RIPOR3: variants seen among roughly 807,000 people sequenced by gnomAD.
RIPOR3 encodes the protein family with sequence similarity 65 member C.
In RIPOR3, 95 loss-of-function variants were observed where a neutral mutation model predicts 114.3. The observed-to-expected ratio is 0.83, with a 90% CI of 0.70 to 0.99. The LOEUF is 0.99. RIPOR3 is among the 50% of genes least tolerant of loss of function. RIPOR3 has a pLI of 0.00. For missense variants in RIPOR3, 1,252 were observed against 1,266.9 expected, an observed-to-expected ratio of 0.99 and a Z score of 0.18; for synonymous variants, 575 against 543.8, an observed-to-expected ratio of 1.06 and a Z score of -0.80.
intron 16 of RIPOR3, chr20:50,594,931 G>A (rs2083237555): frequency 1.8e-6 from 1 of 550,848 alleles, no homozygotes; most frequent in South Asian, 2.5e-5. Context: ...CAACAACCTG[G>A]GAGGGGCTGC....
chr20:50,638,777 G>A (rs182007017), intron 1 of RIPOR3, among the ~76,000 whole-genome samples: 289 of 152,246 alleles, frequency 1.9e-3, no homozygotes, highest in Middle Eastern at 6.8e-3. Flanking sequence ...CATCTCAAAC[G>A]TGCCTCACCC....
At chr20:50,596,354 G>A (rs978231501) in intron 14 of RIPOR3, 91 bp from the exon 15 acceptor site, 2 of 1,564,576 alleles carry the variant, frequency 1.3e-6, no homozygotes, top group African/African-American at 2.7e-5. Flanking sequence ...GCGAGCCCCA[G>A]GTCAGGAGGC....
chr20:50,689,893 G>A (rs1342826837), intron 1 of RIPOR3, among the ~76,000 whole-genome samples: 1 of 152,174 alleles, frequency 6.6e-6, no homozygotes, highest in Non-Finnish European at 1.5e-5. Context: ...GAAGAAAAAA[G>A]AAAAGGCCAC....
intron 1 of RIPOR3, among the ~76,000 whole-genome samples, chr20:50,668,804 C>A (rs2086349944): frequency 1.3e-5 from 2 of 151,990 alleles, no homozygotes; most frequent in African/African-American, 4.8e-5. Context: ...TTGCAGTGAG[C>A]CAAGATCAAG....
At position 50,602,133 on chromosome 20, in the gene RIPOR3, G is replaced by A. The variant is rs2083518132; in HGVS notation, c.1598C>T (p.Ser533Phe). ...EVLELLRPTD[S>F]TQPQLRELEY... ...CAGCTCCCGGAGCTGGGGCTGGGTG[G>A]AGTCCGTGGGCCTCAGCAACTCCAG... is the stretch of plus-strand genomic sequence containing the variant. Residue 533 changes from serine to phenylalanine, a missense_variant, in exon 13 of 22, where the codon TCC (serine) becomes TTC (phenylalanine). Transcript: ENST00000327979. This position sits in a 1 kb window ranked among gnomAD's most constrained non-coding sequence, Gnocchi z 4.3. The A allele has an allele frequency of 1.2e-6, 2 of 1,609,678 alleles. No individual in the cohort carries two copies. Among genetic ancestry groups the A allele is most frequent in the Non-Finnish European group, 1.7e-6 (2 of 1,178,126 alleles).
chr20:50,591,561 T>C (rs2083108749), intron 19 of RIPOR3, among the ~76,000 whole-genome samples: 1 of 152,334 alleles, frequency 6.6e-6, no homozygotes, highest in South Asian at 2.1e-4. Context: ...AGAAGGGCTA[T>C]TGGCAATGGA....
rs1319385673 is a variant in RIPOR3 at position 50,600,574 on chromosome 20, C to T, written c.1659+1498G>A. On this transcript the variant is annotated intron_variant, in intron 13 of 21. Transcript: ENST00000327979. ...AGGAGTTTGAGACCAGCCTGGGCAA[C>T]AAAGTGAGAACTCGTCTCTATAAAA... 2.0e-5 allele frequency among the ~76,000 whole-genome samples: 3 copies of T among 152,206 alleles called. No individual in the cohort carries two copies. In the East Asian group the frequency reaches 5.8e-4, roughly 29 times the overall value.
At chr20:50,610,768 C>G in intron 6 of RIPOR3, 85 bp downstream of exon 6, 7 of 1,584,458 alleles carry the variant, frequency 4.4e-6, no homozygotes, top group Non-Finnish European at 6.1e-6. Flanking sequence ...TTCGAGGGCA[C>G]CTCCCCAGCT....
At chr20:50,630,954 T>G in intron 1 of RIPOR3, 98 bp from the exon 2 acceptor site, 6 of 927,008 alleles carry the variant, frequency 6.5e-6, no homozygotes, top group Non-Finnish European at 1.0e-5. Flanking sequence ...GACCTCACAA[T>G]GGCCCCAGAG....
Position 50,609,355 on chromosome 20 carries a change from T to C in RIPOR3, c.578A>G (p.Asp193Gly). The C allele has an allele frequency of 6.2e-7, 1 of 1,613,632 alleles. No individual in the cohort carries two copies. Among genetic ancestry groups the C allele is most frequent in the Non-Finnish European group, 8.5e-7 (1 of 1,179,712 alleles). ...LGRSLHECAE[D>G]MWLIEGALEV... Reference sequence around the variant, plus strand: ...CAGGGCCCCCTCGATGAGCCACATGTCCTGCAAAGCCCCGGAGGTGGCTCA... The same window carrying C: ...CAGGGCCCCCTCGATGAGCCACATGCCCTGCAAAGCCCCGGAGGTGGCTCA... The change falls in exon 8 of 22, where the codon GAC becomes GGC. Residue 193 changes from aspartate (D) to glycine (G), a missense_variant and splice_region_variant. Physicochemically the swap from Asp to Gly is moderately conservative, Grantham distance 94. Coordinates refer to ENST00000327979, the MANE Select transcript of RIPOR3 (RefSeq NM_001290268.2).
chr20:50,599,435 T>C (rs1324994219), intron 13 of RIPOR3, among the ~76,000 whole-genome samples: 4 of 152,012 alleles, frequency 2.6e-5, no homozygotes, highest in African/African-American at 9.7e-5. Flanking sequence ...TTCATTAACA[T>C]TGAACTCAAC....
intron 1 of RIPOR3, among the ~76,000 whole-genome samples, chr20:50,672,751 CT>C (rs1221804367): frequency 6.6e-6 from 1 of 152,208 alleles, no homozygotes; most frequent in Non-Finnish European, 1.5e-5. Context: ...GCCCAGAACC[CT>C]AACAGACATG....
At chr20:50,587,380 C>T in intron 21 of RIPOR3, 48 bp from the exon 22 acceptor site, 1 of 1,516,438 alleles carries the variant, frequency 6.6e-7, no homozygotes, top group African/African-American at 1.4e-5. Flanking sequence ...TGCCTTGGCA[C>T]TTCCAACTCT....
intron 1 of RIPOR3, among the ~76,000 whole-genome samples, chr20:50,681,884 C>T (rs1331084811): frequency 6.6e-6 from 1 of 152,208 alleles, no homozygotes; most frequent in Non-Finnish European, 1.5e-5. Flanking sequence ...GTCACAAACA[C>T]GCAGCCCATT....
At chr20:50,599,134 G>GT (rs1245751704) in intron 13 of RIPOR3, among the ~76,000 whole-genome samples, 4 of 152,124 alleles carry the variant, frequency 2.6e-5, no homozygotes, top group Non-Finnish European at 4.4e-5. Context: ...GCTCACACCT[G>GT]TAATCCCAGC....
chr20:50,663,205 A>C (rs4809802), intron 1 of RIPOR3, among the ~76,000 whole-genome samples: 1 of 151,988 alleles, frequency 6.6e-6, no homozygotes, highest in South Asian at 2.1e-4. Context: ...TTCTGCCTCC[A>C]AGGCCACATT....
At chr20:50,651,536 C>G (rs78040056) in intron 1 of RIPOR3, among the ~76,000 whole-genome samples, 2,762 of 152,310 alleles carry the variant, frequency 0.018, 97 homozygotes, top group African/African-American at 0.063. Flanking sequence ...TACCCTCCCA[C>G]TATAGTCTGG....
chr20:50,676,292 G>A lies in RIPOR3; in HGVS notation c.3+14834C>T, dbSNP rs982807006. 8.5e-5 allele frequency among the ~76,000 whole-genome samples: 13 copies of A among 152,240 alleles called. 1 individual carries two copies. The highest frequency in any genetic ancestry group is 7.8e-4 in the Admixed American group (12 of 15,296). On this transcript the variant is annotated intron_variant, in intron 1 of 21. Coordinates refer to ENST00000327979, the MANE Select transcript of RIPOR3 (RefSeq NM_001290268.2). Reference sequence around the variant, plus strand: ...GTTGGTCTGCCTCCTGCTGTGTCACGTACTTGCCATGGTGTGTGGGATGAG... The same window carrying A: ...GTTGGTCTGCCTCCTGCTGTGTCACATACTTGCCATGGTGTGTGGGATGAG...
chr20:50,601,986 C>T (rs2083510993), intron 13 of RIPOR3, 86 bp downstream of exon 13: 18 of 1,325,994 alleles, frequency 1.4e-5, no homozygotes, highest in Non-Finnish European at 1.8e-5. Context: ...GATGTCGGCC[C>T]AGGCTGCGTG....
Sources: allele counts gnomAD v4.1 joint callset (sites outside exome capture counted in the v4.1 genomes callset), GRCh38; gene constraint gnomAD v4.1.1; non-coding constraint Gnocchi (gnomAD v3.1); transcripts MANE v1.5; gene names NCBI Gene and HGNC (gene_info 2026-07-23, HGNC 2026-07-21).